Variants in ABCB5 observed in about 807,000 individuals in gnomAD.
The protein encoded by ABCB5 is ATP-binding cassette sub-family B member 5.
ABCB5 carries 155 observed loss-of-function variants against 144.2 expected under a neutral mutation model. The observed-to-expected ratio is 1.08, with a 90% CI of 0.94 to 1.23. The LOEUF (loss-of-function observed/expected upper bound fraction) is 1.23, where lower values mean the gene tolerates loss of function less well. Ranked by LOEUF, ABCB5 falls within the 50% of genes most tolerant of loss-of-function variation. ABCB5 has a pLI of 0.00. For missense variants in ABCB5, 1,830 were observed against 1,520.8 expected, an observed-to-expected ratio of 1.20 and a Z score of -3.38; for synonymous variants, 610 against 528.6, an observed-to-expected ratio of 1.15 and a Z score of -2.11.
At chr7:20,683,074 T>C (rs560340580) in intron 15 of ABCB5, among the ~76,000 whole-genome samples, 3 of 147,846 alleles carry the variant, frequency 2.0e-5, no homozygotes, top group Admixed American at 6.6e-5. Context: ...TTTCTGATAA[T>C]ATCTTTGATG....
At chr7:20,744,566 TTG>T (rs1371809774) in intron 25 of ABCB5, among the ~76,000 whole-genome samples, 1 of 151,396 alleles carries the variant, frequency 6.6e-6, no homozygotes, top group Non-Finnish European at 1.5e-5. Context: ...ATTGAGTTAT[TTG>T]TTCATGTGTT....
chr7:20,747,350 A>C (rs1320334954), intron 26 of ABCB5, among the ~76,000 whole-genome samples: 2 of 152,172 alleles, frequency 1.3e-5, no homozygotes, highest in Non-Finnish European at 2.9e-5. Context: ...GGTTCACTGC[A>C]GCCTCGACCT....
rs767933970 is a variant in ABCB5 at position 20,628,692 on chromosome 7, G to A, written c.113G>A (p.Arg38His). Residue 38 changes from arginine (R) to histidine (H), a missense_variant, in exon 4 of 28, where the codon CGC becomes CAC. Physicochemically the swap from Arg to His is conservative, Grantham distance 29. Coordinates refer to ENST00000404938, the MANE Select transcript of ABCB5 (RefSeq NM_001163941.2). ...ACCGTGCTTTGTTTTCCTCAGTTCC[G>A]CTTTGCTGATGGACTGGACATCACA... The part of the protein sequence containing the change: ...KEAVGSIEIF[R>H]FADGLDITLM... The A allele has an allele frequency of 1.5e-5, 24 of 1,611,786 alleles. No homozygotes were observed. The highest frequency in any genetic ancestry group is 4.0e-5 in the African/African-American group (3 of 74,722).
rs1411631682 is a variant in ABCB5 at position 20,695,562 on chromosome 7, TAA to T, written c.2011-2844_2011-2843del. 2.0e-5 allele frequency among the ~76,000 whole-genome samples: 3 copies of T among 151,948 alleles called. No individual in the cohort carries two copies. The South Asian group carries it at 6.2e-4, about 31-fold the overall frequency. ...CATAATTTATAAACAAAAAAATTGATAAGTCAGACATTACCAAAATCAAGAAC... is the reference window on the plus strand; with the variant it reads ...CATAATTTATAAACAAAAAAATTGATGTCAGACATTACCAAAATCAAGAAC... On this transcript the variant is annotated intron_variant, in intron 16 of 27. Transcript: ENST00000404938.
chr7:20,727,140 G>C lies in ABCB5; in HGVS notation c.2726G>C (p.Arg909Thr). ...GAAGAGATGCTTCAGACTCAACACA[G>C]GTGATTATAGATTCATACTGACTTC... ...MYEEMLQTQH[R>T]NTSKKAQIIG... Residue 909 changes from arginine to threonine, a missense_variant and splice_region_variant, in exon 22 of 28, where the codon AGA becomes ACA. Coordinates refer to ENST00000404938, the MANE Select transcript of ABCB5 (RefSeq NM_001163941.2). The C allele has an allele frequency of 1.9e-6, 3 of 1,610,738 alleles. No homozygotes were observed. The highest frequency in any genetic ancestry group is 2.5e-6 in the Non-Finnish European group (3 of 1,178,034).
chr7:20,622,798 G>A (rs971343418), intron 1 of ABCB5, among the ~76,000 whole-genome samples: 4 of 152,024 alleles, frequency 2.6e-5, no homozygotes, highest in Non-Finnish European at 5.9e-5. Context: ...GTTTGTGAAA[G>A]CTCCAAACTT....
intron 20 of ABCB5, among the ~76,000 whole-genome samples, chr7:20,706,835 AT>A (rs1488539752): frequency 6.6e-6 from 1 of 152,228 alleles, no homozygotes; most frequent in Non-Finnish European, 1.5e-5. Flanking sequence ...CTCTATCTCT[AT>A]ATTTTAAAAA....
At chr7:20,674,982 A>G (rs1478602269) in intron 14 of ABCB5, among the ~76,000 whole-genome samples, 1 of 151,946 alleles carries the variant, frequency 6.6e-6, no homozygotes, top group Non-Finnish European at 1.5e-5. Context: ...AACTATAACC[A>G]TTGATGAAAA....
chr7:20,672,244 C>G (rs901830087), intron 14 of ABCB5, among the ~76,000 whole-genome samples: 1 of 151,802 alleles, frequency 6.6e-6, no homozygotes, highest in East Asian at 1.9e-4. Context: ...AATATTTCTC[C>G]TGATTCTAGG....
intron 19 of ABCB5, among the ~76,000 whole-genome samples, chr7:20,701,379 A>G (rs1034966053): frequency 2.0e-5 from 3 of 152,138 alleles, no homozygotes; most frequent in African/African-American, 4.8e-5. Context: ...TCCCTGTTCA[A>G]ATAAATTTAT....
At chr7:20,726,207 G>T (rs1315777874) in intron 21 of ABCB5, among the ~76,000 whole-genome samples, 2 of 152,060 alleles carry the variant, frequency 1.3e-5, no homozygotes, top group Non-Finnish European at 2.9e-5. Context: ...TACATTCACA[G>T]ACGCCAATAT....
chr7:20,679,493 G>C (rs1016140197), intron 14 of ABCB5, among the ~76,000 whole-genome samples: 35 of 63,562 alleles, frequency 5.5e-4, no homozygotes, highest in African/African-American at 1.9e-3. Flanking sequence ...AAAAGAGAGA[G>C]AGAGAGAAAG....
At chr7:20,673,081 G>C (rs1217868610) in intron 14 of ABCB5, among the ~76,000 whole-genome samples, 2 of 151,950 alleles carry the variant, frequency 1.3e-5, no homozygotes, top group South Asian at 2.1e-4. Context: ...GTATTTTCCA[G>C]ATATTTTTTC....
At chr7:20,668,576 G>T (rs1463207238) in intron 14 of ABCB5, among the ~76,000 whole-genome samples, 1 of 149,236 alleles carries the variant, frequency 6.7e-6, no homozygotes, top group African/African-American at 2.5e-5. Flanking sequence ...CAGCCACCCC[G>T]TCCGGGAGGG....
At chr7:20,661,287 C>T (rs73684679) in intron 14 of ABCB5, among the ~76,000 whole-genome samples, 13,837 of 152,246 alleles carry the variant, frequency 0.091, 697 homozygotes, top group East Asian at 0.14. Context: ...CTTAAACATA[C>T]CCTCACACTT....
chr7:20,628,107 T>C (rs1444480589), intron 3 of ABCB5, among the ~76,000 whole-genome samples: 3 of 152,206 alleles, frequency 2.0e-5, no homozygotes, highest in Non-Finnish European at 4.4e-5. Flanking sequence ...TTGCTGCACC[T>C]ATCAACTTGA....
chr7:20,684,430 A>T (rs184126624), intron 15 of ABCB5, among the ~76,000 whole-genome samples: 43 of 152,264 alleles, frequency 2.8e-4, no homozygotes, highest in Non-Finnish European at 5.4e-4. Context: ...AACTTGCCAC[A>T]AAGTGAGAAA....
chr7:20,645,858 G>T lies in ABCB5; in HGVS notation c.781G>T (p.Ala261Ser), dbSNP rs752613740. 4.3e-6 allele frequency: 7 copies of T among 1,613,730 alleles called. No homozygotes were observed. The highest frequency in any genetic ancestry group is 5.1e-6 in the Non-Finnish European group (6 of 1,179,752). The change falls in exon 8 of 28, where the codon GCC becomes TCC. Residue 261 changes from alanine to serine, a missense_variant. Physicochemically the swap from Ala to Ser is moderately conservative, Grantham distance 99. Coordinates refer to ENST00000404938, the MANE Select transcript of ABCB5 (RefSeq NM_001163941.2). Reference protein sequence around the residue: ...SSIRTVIAFRAQEKELQRYTQ... With the variant: ...SSIRTVIAFRSQEKELQRYTQ... ...AATCCGAACAGTCATAGCCTTTAGG[G>T]CCCAGGAGAAAGAACTTCAAAGGTC...
intron 20 of ABCB5, among the ~76,000 whole-genome samples, chr7:20,715,797 G>T (rs1464831138): frequency 6.7e-6 from 1 of 150,178 alleles, no homozygotes. Flanking sequence ...TCATCTCACT[G>T]CAACCTCCGC....
Sources: allele counts gnomAD v4.1 joint callset (sites outside exome capture counted in the v4.1 genomes callset), GRCh38; gene constraint gnomAD v4.1.1; transcripts MANE v1.5; gene names NCBI Gene and HGNC (gene_info 2026-07-23, HGNC 2026-07-21).